Variants in CCDC93 observed in about 807,000 individuals in gnomAD.
CCDC93 encodes coiled-coil domain-containing protein 93.
In CCDC93, 61 loss-of-function variants were observed where a neutral mutation model predicts 108.2. The observed-to-expected ratio is 0.56, with a 90% CI of 0.46 to 0.70. The LOEUF (loss-of-function observed/expected upper bound fraction) is 0.70. Ranked by LOEUF, CCDC93 falls within the 30% of genes least tolerant of loss-of-function variation. The pLI, the probability that CCDC93 is intolerant of heterozygous loss-of-function variation, is 0.00. For missense variants in CCDC93, 685 were observed against 764.2 expected, an observed-to-expected ratio of 0.90 and a Z score of 1.22; for synonymous variants, 276 against 260.4, an observed-to-expected ratio of 1.06 and a Z score of -0.58.
chr2:118,013,646 T>C (rs979989193), intron 1 of CCDC93, among the ~76,000 whole-genome samples: 5 of 151,912 alleles, frequency 3.3e-5, no homozygotes, highest in African/African-American at 9.7e-5. Context: ...GGGAGAAAGG[T>C]GGGAGCCCAG....
chr2:117,975,218 G>A lies in CCDC93; in HGVS notation c.720C>T (p.His240=), dbSNP rs529842108. Reference sequence around the variant, plus strand: ...CAGCTGCTCGAAGCTCATCTTCCTCGTGGGCATCAGCTTTTTCTGTAGCTG... The same window carrying A: ...CAGCTGCTCGAAGCTCATCTTCCTCATGGGCATCAGCTTTTTCTGTAGCTG... The part of the protein sequence containing the change: ...GLSATEKADA[H]EEDELRAAEE... Residue 240 remains histidine (H), a synonymous_variant, in exon 9 of 24, where the codon CAC becomes CAT. Transcript: ENST00000376300. 24 of 1,613,432 alleles carry A rather than the reference G, an allele frequency of 1.5e-5. No homozygotes were observed. Among genetic ancestry groups the A allele is most frequent in the South Asian group, 3.3e-5 (3 of 91,070 alleles).
chr2:118,003,232 T>A (rs1676760791), intron 3 of CCDC93, among the ~76,000 whole-genome samples: 1 of 152,154 alleles, frequency 6.6e-6, no homozygotes, highest in South Asian at 2.1e-4. Context: ...TGGGATAGCT[T>A]GGTAGTGAAG....
chr2:118,006,431 T>C (rs1558806903), intron 3 of CCDC93, among the ~76,000 whole-genome samples: 1 of 152,222 alleles, frequency 6.6e-6, no homozygotes, highest in Non-Finnish European at 1.5e-5. Flanking sequence ...AGACTCTGCC[T>C]TACACAGAGG....
In CCDC93 at chr2:117,973,623, C is replaced by T. The variant is rs553484256; in HGVS notation, c.888+285G>A. On this transcript the variant is annotated intron_variant, in intron 11 of 23. Transcript: ENST00000376300. ...TGATAGAAAAGAAAAAATGCTCATC[C>T]CATACCCTCAGGCATGAATTTATCA... Among the ~76,000 whole-genome samples the T allele has an allele frequency of 3.9e-5, 6 of 152,106 alleles. No homozygotes were observed. In the South Asian group the frequency reaches 1.2e-3, roughly 32 times the overall value.
At chr2:117,929,290 C>G (rs1013827434) in intron 23 of CCDC93, among the ~76,000 whole-genome samples, 2 of 152,162 alleles carry the variant, frequency 1.3e-5, no homozygotes, top group Non-Finnish European at 2.9e-5. Context: ...AAACATATTT[C>G]ATCCCCTCCC....
At chr2:117,991,389 T>C (rs990849446) in intron 6 of CCDC93, among the ~76,000 whole-genome samples, 7 of 152,116 alleles carry the variant, frequency 4.6e-5, no homozygotes, top group African/African-American at 1.7e-4. Flanking sequence ...AAGTCAGTAA[T>C]AGTACTGCAA....
Position 117,975,195 on chromosome 2 carries a change from G to C in CCDC93, c.743C>G (p.Ala248Gly). 6.2e-7 allele frequency: 1 copy of C among 1,613,430 alleles called. No individual in the cohort carries two copies. Residue 248 changes from alanine (A) to glycine (G), a missense_variant, in exon 9 of 24, where the codon GCT becomes GGT. By Grantham distance (60) the Ala-to-Gly change is moderately conservative (BLOSUM62 0). Coordinates refer to ENST00000376300, the MANE Select transcript of CCDC93 (RefSeq NM_019044.5). The part of the protein sequence containing the change: ...DAHEEDELRA[A>G]EEQRIQSLMT... ...CCTACATGGACCACACACCTCTTCA[G>C]CTGCTCGAAGCTCATCTTCCTCGTG...
At chr2:117,924,827 TCA>T (rs1678019571) in intron 23 of CCDC93, among the ~76,000 whole-genome samples, 1 of 152,138 alleles carries the variant, frequency 6.6e-6, no homozygotes, top group African/African-American at 2.4e-5. Flanking sequence ...CACATAATTG[TCA>T]GATTCACCAA....
intron 1 of CCDC93, among the ~76,000 whole-genome samples, chr2:118,009,143 G>A (rs1040753555): frequency 1.3e-5 from 2 of 152,006 alleles, no homozygotes; most frequent in South Asian, 4.1e-4. Context: ...GGCTGAGGCG[G>A]GCGGATCACT....
chr2:117,986,130 C>G, intron 6 of CCDC93, 61 bp from the exon 7 acceptor site: 2 of 796,700 alleles, frequency 2.5e-6, no homozygotes, highest in South Asian at 1.5e-5. Context: ...GAATTGGCTG[C>G]TGGATGCCTC....
chr2:117,951,001 C>A (rs1679037887), intron 13 of CCDC93: 1 of 985,194 alleles, frequency 1.0e-6, no homozygotes, highest in Non-Finnish European at 1.2e-6. Context: ...TTAAATCACA[C>A]CCTCCACCTT....
At chr2:117,986,351 T>A (rs1202619853) in intron 6 of CCDC93, among the ~76,000 whole-genome samples, 2 of 152,070 alleles carry the variant, frequency 1.3e-5, no homozygotes, top group Admixed American at 6.5e-5. Flanking sequence ...TAAATGCAGG[T>A]CTTCAGCCCC....
chr2:117,941,557 G>A (rs1054340830), intron 18 of CCDC93, among the ~76,000 whole-genome samples: 1 of 152,088 alleles, frequency 6.6e-6, no homozygotes, highest in Non-Finnish European at 1.5e-5. Flanking sequence ...GGAAGATACT[G>A]AATGGGAAGG....
rs146444518 is a variant in CCDC93, at chr2:117,945,405, C to T, written c.1350+124G>A. The T allele has an allele frequency of 9.7e-4, 711 of 732,554 alleles. 4 individuals carry two copies. The African/African-American group carries it at 0.011, about 11-fold the overall frequency. 45.4% of individuals were successfully genotyped at this position (732,554 alleles called of 1,614,324 possible). A position where few individuals can be genotyped will look rare whatever the true frequency, so the allele number is the denominator to read the frequency against. On this transcript the variant is annotated intron_variant, in intron 17 of 23. Transcript: ENST00000376300. The stretch of plus-strand genomic sequence containing the variant: ...TATCAAACAGGACAATGCCCTGGAA[C>T]GCCTAGATGTGGAGTTGGCCATAGA...
chr2:117,961,213 A>G (rs79739807), intron 11 of CCDC93, among the ~76,000 whole-genome samples: 10,571 of 152,210 alleles, frequency 0.069, 509 homozygotes, highest in Admixed American at 0.11. Context: ...TCAGACAACC[A>G]TACAGAGAGA....
chr2:117,963,411 G>A (rs1305723622), intron 11 of CCDC93, among the ~76,000 whole-genome samples: 1 of 152,208 alleles, frequency 6.6e-6, no homozygotes, highest in African/African-American at 2.4e-5. Flanking sequence ...CACCTTGGAT[G>A]TTATCCTAGT....
At chr2:117,974,992 A>G (rs1285149365) in intron 9 of CCDC93, 92 bp from the exon 10 acceptor site, 1 of 1,188,750 alleles carries the variant, frequency 8.4e-7, no homozygotes, top group Non-Finnish European at 1.2e-6. Flanking sequence ...GGTGATATCC[A>G]AGGGTGTCTT....
rs1034648500 is a variant in CCDC93, at chr2:117,945,459, C to T, written c.1350+70G>A. On this transcript the variant is annotated intron_variant, in intron 17 of 23. Coordinates refer to ENST00000376300, the MANE Select transcript of CCDC93 (RefSeq NM_019044.5). ...CATTAAAGTAGGCATGAGAAGCCAT[C>T]ACAGGAGAGTGGAAAGCTGGCCGCC... The T allele has an allele frequency of 4.0e-6, 5 of 1,265,094 alleles. No homozygotes were observed. In the African/African-American group the frequency reaches 7.4e-5, roughly 19 times the overall value. The allele number at this position is 1,265,094 out of a possible 1,614,324, so 78.4% of individuals were successfully genotyped here.
chr2:117,940,673 A>G (rs1678672575), intron 19 of CCDC93, among the ~76,000 whole-genome samples: 2 of 152,336 alleles, frequency 1.3e-5, no homozygotes, highest in South Asian at 4.1e-4. Context: ...CAGATGTGGC[A>G]GGAATGTTAG....
Sources: gnomAD v4.1 joint callset for allele counts (sites outside exome capture counted in the v4.1 genomes callset) on GRCh38, gnomAD v4.1.1 for gene constraint, MANE v1.5 for transcripts, NCBI Gene and HGNC (gene_info 2026-07-23, HGNC 2026-07-21) for gene names.